The following IL1B variants were observed in gnomAD, a reference collection of about 807,000 sequenced individuals.
The protein encoded by IL1B is interleukin 1 beta.
Under a neutral mutation model 26.2 loss-of-function variants are expected in IL1B, and 11 were observed. The observed-to-expected ratio is 0.42, with a 90% CI of 0.26 to 0.70. The LOEUF (loss-of-function observed/expected upper bound fraction) is 0.70, where lower values mean the gene tolerates loss of function less well. IL1B is among the 30% of genes least tolerant of loss of function. The pLI is 0.25. For synonymous variants in IL1B, 118 were observed against 120.8 expected (o/e 0.98, Z 0.15); for missense variants, 255 against 327.5 (o/e 0.78, Z 1.71).
intron 4 of IL1B, 35 bp downstream of exon 4, chr2:112,833,339 A>C (rs780918036): frequency 5.6e-6 from 9 of 1,597,308 alleles, no homozygotes; most frequent in Non-Finnish European, 7.7e-6. Context: ...AAGAGGACAC[A>C]AGTGGAGATC....
At chr2:112,830,801 ATTT>A (rs879633470) in intron 6 of IL1B, among the ~76,000 whole-genome samples, 1 of 146,620 alleles carries the variant, frequency 6.8e-6, no homozygotes, top group Non-Finnish European at 1.5e-5. Context: ...GTAGGTGAGA[ATTT>A]TTTTTTTTTG....
rs1213010234 is a variant in IL1B, at chr2:112,833,476, C to G, written c.199G>C (p.Val67Leu). Residue 67 changes from valine (V) to leucine (L), a missense_variant, in exon 4 of 7, where the codon GTT becomes CTT. Physicochemically the swap from Val to Leu is conservative, Grantham distance 32. Transcript: ENST00000263341. Reference sequence around the variant, plus strand: ...CTCAGCTTGTCCATGGCCACAACAACTGACGCGGCCTGCCTGAAGCCCTTG... The same window carrying G: ...CTCAGCTTGTCCATGGCCACAACAAGTGACGCGGCCTGCCTGAAGCCCTTG... ...YSKGFRQAAS[V>L]VVAMDKLRKM... 6.2e-7 allele frequency: 1 copy of G among 1,614,112 alleles called. No individual in the cohort carries two copies. The highest frequency in any genetic ancestry group is 8.5e-7 in the Non-Finnish European group (1 of 1,180,046).
intron 1 of IL1B, chr2:112,836,476 G>T: frequency 2.1e-6 from 1 of 469,670 alleles, no homozygotes; most frequent in Non-Finnish European, 4.0e-6. Context: ...CTAACCTTTA[G>T]GGTGTCAGCT....
intron 5 of IL1B, 73 bp downstream of exon 5, chr2:112,832,589 A>G: frequency 6.9e-7 from 1 of 1,457,118 alleles, no homozygotes; most frequent in Non-Finnish European, 9.6e-7. Context: ...TTAACTTTCT[A>G]CTTTGTTTAA....
Position 112,833,585 on chromosome 2 carries a change from G to C in IL1B, c.100-10C>G, listed in dbSNP as rs3917359. The C allele has an allele frequency of 6.2e-5, 100 of 1,613,302 alleles. No individual in the cohort carries two copies. The highest frequency in any genetic ancestry group is 8.3e-5 in the Non-Finnish European group (98 of 1,179,666). ...GGTCCTGGAAGGAGCACTGCGGAGA[G>C]AGCGAGGGAGGGAGCCTGGTGAGGT... On this transcript the variant is annotated splice_polypyrimidine_tract_variant and intron_variant, in intron 3 of 6. Coordinates refer to ENST00000263341, the MANE Select transcript of IL1B (RefSeq NM_000576.3).
chr2:112,833,193 C>A (rs1258830007), intron 4 of IL1B, 181 bp downstream of exon 4: 4 of 676,928 alleles, frequency 5.9e-6, no homozygotes, highest in African/African-American at 3.6e-5. Flanking sequence ...TCAAGATCTT[C>A]TTTAAGAATA....
At position 112,833,070 on chromosome 2, in the gene IL1B, G is replaced by A. The variant is rs540269184; in HGVS notation, c.302-244C>T. 2.8e-5 allele frequency: 17 copies of A among 606,242 alleles called. No individual in the cohort carries two copies. The South Asian group carries it at 3.0e-4, about 11-fold the overall frequency. The allele number at this position is 606,242 out of a possible 1,614,324, so 37.6% of individuals were successfully genotyped here. On this transcript the variant is annotated intron_variant, in intron 4 of 6. Coordinates refer to ENST00000263341, the MANE Select transcript of IL1B (RefSeq NM_000576.3). ...GTGGCCGAGCAACAGAGCTACTTAG[G>A]TAAAATGGTGATGGTCATAACACTA... is the stretch of plus-strand genomic sequence containing the variant.
At chr2:112,831,842 CAG>C (rs1461465156) in intron 5 of IL1B, among the ~76,000 whole-genome samples, 1 of 152,156 alleles carries the variant, frequency 6.6e-6, no homozygotes, top group Non-Finnish European at 1.5e-5. Context: ...GTTTCAGGAA[CAG>C]AGAGTAGCCC....
intron 2 of IL1B, among the ~76,000 whole-genome samples, 188 bp downstream of exon 2, chr2:112,835,995 A>G (rs1364644237): frequency 6.6e-6 from 1 of 152,234 alleles, no homozygotes; most frequent in Admixed American, 6.5e-5. Context: ...ACATCTGGAT[A>G]GCCTCCAGGT....
intron 6 of IL1B, chr2:112,831,009 C>T (rs1681976157): frequency 6.8e-6 from 3 of 443,834 alleles, no homozygotes; most frequent in Non-Finnish European, 4.2e-6. Flanking sequence ...ATCTATTTCC[C>T]AAGGTGTCTA....
In IL1B at chr2:112,830,125, G is replaced by A. The variant is rs1681952673; in HGVS notation, c.*236C>T. On this transcript the variant is annotated 3_prime_UTR_variant, in exon 7 of 7. Coordinates refer to ENST00000263341, the MANE Select transcript of IL1B (RefSeq NM_000576.3). The stretch of plus-strand genomic sequence containing the variant: ...GGCTTTAAGTGAGTAGGAGAGGTGA[G>A]AGAGGCCTGGCTCAACAAAAGGGCT... 1.9e-6 allele frequency: 1 copy of A among 528,508 alleles called. No individual in the cohort carries two copies. The highest frequency in any genetic ancestry group is 3.4e-6 in the Non-Finnish European group (1 of 294,552). 32.7% of individuals were successfully genotyped at this position (528,508 alleles called of 1,614,324 possible).
rs1018162681 is a variant in IL1B, at chr2:112,830,256, G to A, written c.*105C>T. 3 of 948,000 alleles carry A rather than the reference G, an allele frequency of 3.2e-6. No individual in the cohort carries two copies. Among genetic ancestry groups the A allele is most frequent in the Non-Finnish European group, 3.5e-6 (2 of 578,024 alleles). 58.7% of individuals were successfully genotyped at this position (948,000 alleles called of 1,614,324 possible). On this transcript the variant is annotated 3_prime_UTR_variant, in exon 7 of 7. Coordinates refer to ENST00000263341, the MANE Select transcript of IL1B (RefSeq NM_000576.3). The stretch of plus-strand genomic sequence containing the variant: ...AGTTGGGCATTGGTGTAGACAACAG[G>A]AAAGTCCAGGCTATAGCCGTACTCA...
At chr2:112,832,894 A>G (rs957802535) in intron 4 of IL1B, 68 bp from the exon 5 acceptor site, 14 of 1,517,052 alleles carry the variant, frequency 9.2e-6, no homozygotes, top group Non-Finnish European at 6.4e-6. Flanking sequence ...GCGAGGCGGC[A>G]AAATTTGATT....
At chr2:112,833,720 G>A (rs1573278586) in intron 3 of IL1B, 145 bp from the exon 4 acceptor site, 10 of 802,204 alleles carry the variant, frequency 1.2e-5, no homozygotes, top group Admixed American at 2.0e-5. Flanking sequence ...TGGGCCAGGC[G>A]TGGTGGCTCA....
chr2:112,832,266 C>T (rs1268662192), intron 5 of IL1B, among the ~76,000 whole-genome samples: 13 of 152,034 alleles, frequency 8.6e-5, no homozygotes. Context: ...GGGGGGAAGA[C>T]TGGGGAGGGG....
Position 112,830,315 on chromosome 2 carries a change from G to A in IL1B, c.*46C>T. 6.7e-7 allele frequency: 1 copy of A among 1,497,652 alleles called. No individual in the cohort carries two copies. Among genetic ancestry groups the A allele is most frequent in the Non-Finnish European group, 9.3e-7 (1 of 1,074,338 alleles). 92.8% of individuals were successfully genotyped at this position (1,497,652 alleles called of 1,614,324 possible). A position where few individuals can be genotyped will look rare whatever the true frequency, so the allele number is the denominator to read the frequency against. Reference sequence around the variant, plus strand: ...TCTGTTCCCTTTCTGCCAGCCCTAGGGATTGAGTCCACATTCAGCACAGGA... The same window carrying A: ...TCTGTTCCCTTTCTGCCAGCCCTAGAGATTGAGTCCACATTCAGCACAGGA... On this transcript the variant is annotated 3_prime_UTR_variant, in exon 7 of 7. Coordinates refer to ENST00000263341, the MANE Select transcript of IL1B (RefSeq NM_000576.3).
intron 3 of IL1B, 23 bp downstream of exon 3, chr2:112,835,543 G>T (rs771312627): frequency 1.1e-5 from 17 of 1,597,958 alleles, no homozygotes; most frequent in Admixed American, 1.7e-5. Flanking sequence ...TCCTTGGGTT[G>T]GGAGTTAAAC....
chr2:112,836,328 T>C, intron 1 of IL1B, 84 bp from the exon 2 acceptor site: 1 of 956,914 alleles, frequency 1.0e-6, no homozygotes, highest in Non-Finnish European at 1.7e-6. Flanking sequence ...TGCATGGCAG[T>C]CATGCAAAGA....
Position 112,833,335 on chromosome 2 carries a change from A to G in IL1B, c.301+39T>C, listed in dbSNP as rs201641509. ...CTGGGGCTTGATGACTTCCAAGAGG[A>G]CACAAGTGGAGATCTACTGCCTGCT... is the stretch of plus-strand genomic sequence containing the variant. On this transcript the variant is annotated intron_variant, in intron 4 of 6. Transcript: ENST00000263341. 3.4e-5 allele frequency: 54 copies of G among 1,590,478 alleles called. No homozygotes were observed. The East Asian group carries it at 1.2e-3, about 34-fold the overall frequency.
Sources: allele counts gnomAD v4.1 joint callset (sites outside exome capture counted in the v4.1 genomes callset), GRCh38; gene constraint gnomAD v4.1.1; transcripts MANE v1.5; gene names NCBI Gene and HGNC (gene_info 2026-07-23, HGNC 2026-07-21).